The following RUBCN variants were observed in gnomAD, a reference collection of about 807,000 sequenced individuals.
The protein encoded by RUBCN is run domain Beclin-1-interacting and cysteine-rich domain-containing protein.
RUBCN carries 74 observed loss-of-function variants against 113.2 expected under a neutral mutation model. The observed-to-expected ratio is 0.65, with a 90% CI of 0.54 to 0.79. The LOEUF is 0.79. Among genes scored for constraint, RUBCN ranks in the 30% least tolerant of loss-of-function variants. The pLI is 0.00. For missense variants in RUBCN, 1,109 were observed against 1,251.7 expected (o/e 0.89, Z 1.72); for synonymous variants, 480 against 490.0 (o/e 0.98, Z 0.27).
intron 1 of RUBCN, among the ~76,000 whole-genome samples, chr3:197,719,476 C>CAAAAAA (rs369029082): frequency 6.1e-4 from 33 of 53,668 alleles, no homozygotes; most frequent in Non-Finnish European, 7.5e-4. Flanking sequence ...GAGATTGTCT[C>CAAAAAA]AAAAAAAAAA....
At chr3:197,699,815 C>T (rs1447681772) in intron 7 of RUBCN, among the ~76,000 whole-genome samples, 2 of 151,994 alleles carry the variant, frequency 1.3e-5, no homozygotes, top group South Asian at 4.1e-4. Context: ...TTTTTAGGTC[C>T]TTGAATTTTT....
chr3:197,685,058 C>G (rs937607304), intron 11 of RUBCN, among the ~76,000 whole-genome samples: 4 of 152,182 alleles, frequency 2.6e-5, no homozygotes, highest in African/African-American at 7.2e-5. Flanking sequence ...GTCAACATGA[C>G]CTCTGAGGCT....
At chr3:197,719,463 T>C (rs1334750007) in intron 1 of RUBCN, among the ~76,000 whole-genome samples, 1 of 132,090 alleles carries the variant, frequency 7.6e-6, no homozygotes, top group Non-Finnish European at 1.6e-5. Context: ...GGGCAACAAG[T>C]GTGAGATTGT....
At chr3:197,727,006 C>G (rs1726840614) in intron 1 of RUBCN, among the ~76,000 whole-genome samples, 1 of 148,060 alleles carries the variant, frequency 6.8e-6, no homozygotes, top group Non-Finnish European at 1.5e-5. Context: ...GTGGTGCGAT[C>G]TCAGCTCACT....
chr3:197,707,156 C>T (rs1016211722), intron 2 of RUBCN, among the ~76,000 whole-genome samples: 2 of 142,714 alleles, frequency 1.4e-5, no homozygotes, highest in East Asian at 3.9e-4. Flanking sequence ...ACAGTGAAAC[C>T]CCGTCTCTAC....
intron 5 of RUBCN, 116 bp downstream of exon 5, chr3:197,703,432 A>AAAAAAAAAAAAAAAAAT: frequency 2.3e-6 from 1 of 427,912 alleles, no homozygotes. Flanking sequence ...AAAAAAAAAA[A>AAAAAAAAAAAAAAAAAT]TGCAAGCCTT....
At chr3:197,731,613 C>T (rs539997354) in intron 1 of RUBCN, among the ~76,000 whole-genome samples, 93 of 148,360 alleles carry the variant, frequency 6.3e-4, no homozygotes, top group African/African-American at 2.1e-3. Flanking sequence ...GGCGGCTGGC[C>T]GGGCGGGGCC....
chr3:197,735,398 AAAAAATAAAAT>A lies in RUBCN; in HGVS notation c.65+1246_65+1256del, dbSNP rs1485017746. On this transcript the variant is annotated intron_variant, in intron 1 of 19. Transcript: ENST00000296343. ...GGGGGACAGGGTGAGGCTGTGTCTC[AAAAAATAAAAT>A]AAAAATAAAATAATAAATGTCAAGT... 3.3e-5 allele frequency among the ~76,000 whole-genome samples: 5 copies of A among 152,266 alleles called. No homozygotes were observed. The East Asian group carries it at 9.6e-4, about 29-fold the overall frequency.
intron 1 of RUBCN, among the ~76,000 whole-genome samples, chr3:197,725,025 A>T (rs946123481): frequency 1.3e-5 from 2 of 152,116 alleles, no homozygotes; most frequent in African/African-American, 2.4e-5. Context: ...CAAAAAAACT[A>T]AAAAAATCCC....
At chr3:197,710,783 C>T (rs1724876518) in intron 2 of RUBCN, among the ~76,000 whole-genome samples, 1 of 151,578 alleles carries the variant, frequency 6.6e-6, no homozygotes, top group Non-Finnish European at 1.5e-5. Flanking sequence ...TTCAATGACA[C>T]TTATAATATC....
rs749059550 is a variant in RUBCN, at chr3:197,684,139, G to T, written c.1847+18C>A. The T allele has an allele frequency of 6.3e-7, 1 of 1,581,262 alleles. No homozygotes were observed. Among genetic ancestry groups the T allele is most frequent in the East Asian group, 2.2e-5 (1 of 44,728 alleles). On this transcript the variant is annotated intron_variant, in intron 12 of 19. Transcript: ENST00000296343. ...CTAAGGTTTTCTTTTCTTTTTTTTG[G>T]TAAAAAAAAGTACTCACAAGGACTG...
chr3:197,734,235 C>T (rs971750075), intron 1 of RUBCN, among the ~76,000 whole-genome samples: 3 of 145,574 alleles, frequency 2.1e-5, no homozygotes, highest in South Asian at 2.2e-4. Flanking sequence ...CCAGCCTTGG[C>T]GACAGAGCAA....
In RUBCN at chr3:197,695,926, T is replaced by C. The variant is rs747877935; in HGVS notation, c.1413A>G (p.Gly471=). The C allele has an allele frequency of 8.1e-6, 13 of 1,614,164 alleles. No homozygotes were observed. Among genetic ancestry groups the C allele is most frequent in the South Asian group, 1.1e-5 (1 of 91,082 alleles). The change falls in exon 9 of 20, where the codon GGA becomes GGG. Residue 471 remains glycine (G), a synonymous_variant. Transcript: ENST00000296343. ...CAGAGAGGTAGCTGATGAGGGACTG[T>C]CCTTCTGATGGTCTTCGGAACATGC... ...GEGMFRRPSE[G]QSLISYLSEQ...
At position 197,681,129 on chromosome 3, in the gene RUBCN, C is replaced by T. The variant is rs1158050207; in HGVS notation, c.2430G>A (p.Arg810=). The change falls in exon 16 of 20, where the codon CGG becomes CGA. Residue 810 remains arginine (R), a splice_region_variant and synonymous_variant. Transcript: ENST00000296343. The surrounding 1 kb of genome is among the most constrained non-coding windows in gnomAD (Gnocchi z 5.5). ...AAGGTGGCCTTTTCCAAGGTCTTAC[C>T]CGGACTTGATTGAGCAGCTTGACCT... ...YRKVKLLNQV[R]LLRVQLCHMK... 5 of 1,608,468 alleles carry T rather than the reference C, an allele frequency of 3.1e-6. No homozygotes were observed. Among genetic ancestry groups the T allele is most frequent in the Non-Finnish European group, 4.3e-6 (5 of 1,175,192 alleles).
chr3:197,699,136 A>C (rs1723346915), intron 7 of RUBCN: 2 of 1,337,502 alleles, frequency 1.5e-6, no homozygotes, highest in South Asian at 2.5e-5. Context: ...TGAACTAAGA[A>C]AGGTGGTCAC....
chr3:197,674,867 TC>T lies in RUBCN; in HGVS notation c.*150del. ...GCCGACGGCTGACTGCACACAGACG[TC>T]AGACAAGTCAGTAAAAAAAAAAAAA... On this transcript the variant is annotated 3_prime_UTR_variant, in exon 20 of 20. Transcript: ENST00000296343. The T allele has an allele frequency of 1.1e-5, 7 of 642,186 alleles. No individual in the cohort carries two copies. The highest frequency in any genetic ancestry group is 4.1e-5 in the Admixed American group (1 of 24,302). The allele number at this position is 642,186 out of a possible 1,614,324, so 39.8% of individuals were successfully genotyped here. A position where few individuals can be genotyped will look rare whatever the true frequency, so the allele number is the denominator to read the frequency against.
At chr3:197,707,151 G>A (rs1209178083) in intron 2 of RUBCN, among the ~76,000 whole-genome samples, 1 of 142,832 alleles carries the variant, frequency 7.0e-6, no homozygotes, top group African/African-American at 3.1e-5. Flanking sequence ...AGACCACAGT[G>A]AAACCCCGTC....
At chr3:197,725,684 G>A (rs1726663124) in intron 1 of RUBCN, among the ~76,000 whole-genome samples, 1 of 152,046 alleles carries the variant, frequency 6.6e-6, no homozygotes, top group Non-Finnish European at 1.5e-5. Flanking sequence ...TTAATGTACA[G>A]GAGGGAATAA....
chr3:197,695,778 C>A, intron 9 of RUBCN, 88 bp downstream of exon 9: 1 of 1,222,108 alleles, frequency 8.2e-7, no homozygotes, highest in Non-Finnish European at 1.2e-6. Flanking sequence ...AATCTATACC[C>A]AAAACCTCAT....
Sources: allele counts gnomAD v4.1 joint callset (sites outside exome capture counted in the v4.1 genomes callset), GRCh38; gene constraint gnomAD v4.1.1; non-coding constraint Gnocchi (gnomAD v3.1); transcripts MANE v1.5; gene names NCBI Gene and HGNC (gene_info 2026-07-23, HGNC 2026-07-21).